The following CLASP2 variants were observed in gnomAD, a reference collection of about 807,000 sequenced individuals.
CLASP2 encodes the protein cytoplasmic linker associated protein 2, also known as CLIP-associating protein 2.
In CLASP2, 47 loss-of-function variants were observed where a neutral mutation model predicts 194.4. That is an observed-to-expected ratio of 0.24 (90% CI 0.19 to 0.31). The LOEUF (loss-of-function observed/expected upper bound fraction) is 0.31. Among genes scored for constraint, CLASP2 ranks in the 10% least tolerant of loss-of-function variants. The pLI, the probability that CLASP2 is intolerant of heterozygous loss-of-function variation, is 1.00. For synonymous variants in CLASP2, 619 were observed against 633.5 expected, an observed-to-expected ratio of 0.98 and a Z score of 0.34; for missense variants, 1,445 against 1,823.6, an observed-to-expected ratio of 0.79 and a Z score of 3.78.
At chr3:33,592,184 C>A in intron 21 of CLASP2, 1 of 704,348 alleles carries the variant, frequency 1.4e-6, no homozygotes, top group Non-Finnish European at 2.6e-6. Flanking sequence ...ACATGCACAA[C>A]AACTGATCCA....
intron 9 of CLASP2, among the ~76,000 whole-genome samples, chr3:33,630,418 G>C (rs923061538): frequency 1.3e-5 from 2 of 152,170 alleles, no homozygotes; most frequent in African/African-American, 4.8e-5. Flanking sequence ...AGGCTGGTCA[G>C]GGAGCATGAA....
Position 33,619,591 on chromosome 3 carries a change from G to A in CLASP2, c.1317+12C>T, listed in dbSNP as rs369941355. ...GAGGAGGCAGCAGTAGAAAACGAGAGAGCAAACCTACCCGAATGATAAATC... is the reference window on the plus strand; with the variant it reads ...GAGGAGGCAGCAGTAGAAAACGAGAAAGCAAACCTACCCGAATGATAAATC... On this transcript the variant is annotated intron_variant, in intron 12 of 38. Transcript: ENST00000682230. 16 of 1,544,244 alleles carry A rather than the reference G, an allele frequency of 1.0e-5. No individual in the cohort carries two copies. The highest frequency in any genetic ancestry group is 1.4e-5 in the Non-Finnish European group (16 of 1,144,174).
chr3:33,518,750 T>C (rs902625086), intron 34 of CLASP2, among the ~76,000 whole-genome samples: 11 of 152,276 alleles, frequency 7.2e-5, no homozygotes, highest in African/African-American at 2.4e-4. Context: ...GTAAGCTTTG[T>C]AATTACTCTA....
At chr3:33,632,142 C>A in intron 9 of CLASP2, 150 bp downstream of exon 9, 1 of 485,092 alleles carries the variant, frequency 2.1e-6, no homozygotes. Flanking sequence ...CTAATTGTAC[C>A]AACAAATAAT....
chr3:33,713,371 G>A (rs902300132), intron 1 of CLASP2, among the ~76,000 whole-genome samples: 1 of 151,998 alleles, frequency 6.6e-6, no homozygotes, highest in Non-Finnish European at 1.5e-5. Flanking sequence ...TATGTAACAA[G>A]GTGACAAAAA....
intron 1 of CLASP2, among the ~76,000 whole-genome samples, chr3:33,714,631 C>T (rs1336244537): frequency 2.0e-5 from 3 of 152,178 alleles, no homozygotes; most frequent in African/African-American, 4.8e-5. Context: ...CTCAGCATTG[C>T]CATTGCTATC....
At chr3:33,620,057 G>A (rs2076861117) in intron 11 of CLASP2, among the ~76,000 whole-genome samples, 1 of 152,148 alleles carries the variant, frequency 6.6e-6, no homozygotes, top group Non-Finnish European at 1.5e-5. Flanking sequence ...AGCTCTGATG[G>A]TTCTGACCTT....
chr3:33,670,505 C>T (rs921474124), intron 6 of CLASP2, among the ~76,000 whole-genome samples: 2 of 152,104 alleles, frequency 1.3e-5, no homozygotes, highest in Middle Eastern at 3.2e-3. Flanking sequence ...GCTACTCTGC[C>T]CTAACAACAA....
At chr3:33,544,460 T>C (rs949097568) in intron 31 of CLASP2, among the ~76,000 whole-genome samples, 5 of 152,180 alleles carry the variant, frequency 3.3e-5, no homozygotes, top group African/African-American at 1.2e-4. Context: ...TTCTTGTTCA[T>C]ACCTGGCCAC....
At chr3:33,574,482 T>C (rs1290753872) in intron 24 of CLASP2, 7 of 1,509,744 alleles carry the variant, frequency 4.6e-6, no homozygotes, top group Non-Finnish European at 6.2e-6. Flanking sequence ...CCTTAGTCCG[T>C]ATGTCTCCTA....
intron 7 of CLASP2, chr3:33,645,331 T>G (rs749126524): frequency 6.3e-5 from 48 of 765,068 alleles, no homozygotes; most frequent in Non-Finnish European, 9.6e-5. Flanking sequence ...TGAAAGCTCT[T>G]AATTTCCCTC....
intron 2 of CLASP2, among the ~76,000 whole-genome samples, chr3:33,691,469 T>C (rs1451569070): frequency 3.3e-5 from 5 of 152,148 alleles, no homozygotes; most frequent in Admixed American, 2.0e-4. Flanking sequence ...GAAGGCAACA[T>C]GCCAAATGGA....
chr3:33,704,968 T>C (rs1457446959), intron 1 of CLASP2, among the ~76,000 whole-genome samples: 1 of 152,070 alleles, frequency 6.6e-6, no homozygotes, highest in Non-Finnish European at 1.5e-5. Context: ...GTGCAGCCAT[T>C]GAAGAAAACA....
At chr3:33,597,507 T>C (rs2070758589) in intron 18 of CLASP2, among the ~76,000 whole-genome samples, 1 of 152,178 alleles carries the variant, frequency 6.6e-6, no homozygotes, top group African/African-American at 2.4e-5. Flanking sequence ...TGAACTCTGC[T>C]ACAGTTTGCC....
At chr3:33,501,186 A>AT (rs1370799692) in intron 38 of CLASP2, among the ~76,000 whole-genome samples, 1 of 152,234 alleles carries the variant, frequency 6.6e-6, no homozygotes, top group Non-Finnish European at 1.5e-5. Context: ...ATTAATTTGG[A>AT]TAATAGAAAG....
At chr3:33,672,181 T>A (rs1192622252) in intron 6 of CLASP2, among the ~76,000 whole-genome samples, 1 of 152,156 alleles carries the variant, frequency 6.6e-6, no homozygotes, top group Non-Finnish European at 1.5e-5. Flanking sequence ...GCAGCCTAAC[T>A]GGGAGGCACC....
At chr3:33,675,690 A>T (rs999251903) in intron 6 of CLASP2, among the ~76,000 whole-genome samples, 1 of 147,000 alleles carries the variant, frequency 6.8e-6, no homozygotes, top group Non-Finnish European at 1.5e-5. Context: ...AGAAAACCCC[A>T]TTGTCTCAGC....
intron 37 of CLASP2, 153 bp from the exon 38 acceptor site, chr3:33,501,921 G>C: frequency 3.4e-6 from 2 of 590,330 alleles, no homozygotes; most frequent in South Asian, 4.1e-5. Flanking sequence ...ACCTTTTCAA[G>C]CATAGACAAT....
intron 34 of CLASP2, among the ~76,000 whole-genome samples, chr3:33,519,696 T>A (rs2052419481): frequency 6.6e-6 from 1 of 152,200 alleles, no homozygotes; most frequent in Non-Finnish European, 1.5e-5. Flanking sequence ...CTGCTTTAGT[T>A]TTTTTTCTTT....
Sources: allele counts gnomAD v4.1 joint callset (sites outside exome capture counted in the v4.1 genomes callset), GRCh38; gene constraint gnomAD v4.1.1; transcripts MANE v1.5; gene names NCBI Gene and HGNC (gene_info 2026-07-23, HGNC 2026-07-21).